The following ZNF334 variants were observed in gnomAD, a reference collection of about 807,000 sequenced individuals.
ZNF334 encodes the protein zinc finger protein 334.
ZNF334 carries 14 observed loss-of-function variants against 12.4 expected under a neutral mutation model. That is an observed-to-expected ratio of 1.13 (90% CI 0.74 to 1.76). The LOEUF (loss-of-function observed/expected upper bound fraction) is 1.76. Among genes scored for constraint, ZNF334 ranks in the 40% most tolerant of loss-of-function variants. The pLI is 0.00. For synonymous variants in ZNF334, 273 were observed against 269.6 expected (o/e 1.01, Z -0.12); for missense variants, 797 against 804.5 (o/e 0.99, Z 0.11).
At chr20:46,498,152 T>C (rs2061055526), downstream of ZNF334, among the ~76,000 whole-genome samples, 1 of 152,232 alleles carries the variant, frequency 6.6e-6, no homozygotes, top group East Asian at 1.9e-4. Context: ...TTGAAACCAC[T>C]GCATTCTTAT....
In ZNF334 at chr20:46,503,244, T is replaced by C. The variant is rs953477265; in HGVS notation, c.242-147A>G. On this transcript the variant is annotated intron_variant, in intron 4 of 4. Transcript: ENST00000692313. Reference sequence around the variant, plus strand: ...AACAAATTTCAAGTGCAAATATCTCTTACTTGGTTGATTTGAAGAAATACA... The same window carrying C: ...AACAAATTTCAAGTGCAAATATCTCCTACTTGGTTGATTTGAAGAAATACA... 1.2e-5 allele frequency: 12 copies of C among 994,032 alleles called. No individual in the cohort carries two copies. In the African/African-American group the frequency reaches 1.5e-4, roughly 12 times the overall value. The allele number at this position is 994,032 out of a possible 1,614,324, so 61.6% of individuals were successfully genotyped here. A position where few individuals can be genotyped will look rare whatever the true frequency, so the allele number is the denominator to read the frequency against.
At chr20:46,474,028 C>T in the ZNF334 span, among the ~76,000 whole-genome samples, 3 of 152,206 alleles carry the variant, frequency 2.0e-5, no homozygotes, top group Non-Finnish European at 4.4e-5. Context: ...AGATCTTAAG[C>T]TCATCAATTA....
Position 46,502,307 on chromosome 20 carries a change from T to C in ZNF334, c.1032A>G (p.Thr344=). Residue 344 remains threonine, a synonymous_variant, in exon 5 of 5, where the codon ACA becomes ACG. Transcript: ENST00000692313. ...CCTTGCATTCGTAAGGCTTCTCCCCTGTGTGTGACCTGAAATGTTCAGCCA... is the reference window on the plus strand; with the variant it reads ...CCTTGCATTCGTAAGGCTTCTCCCCCGTGTGTGACCTGAAATGTTCAGCCA... The part of the protein sequence containing the change: ...SALAEHFRSH[T]GEKPYECKEC... The C allele has an allele frequency of 2.5e-6, 4 of 1,613,912 alleles. No individual in the cohort carries two copies. Among genetic ancestry groups the C allele is most frequent in the South Asian group, 1.1e-5 (1 of 91,068 alleles).
chr20:46,478,444 G>A, the ZNF334 span, among the ~76,000 whole-genome samples: 1 of 152,214 alleles, frequency 6.6e-6, no homozygotes, highest in Non-Finnish European at 1.5e-5. Flanking sequence ...GGAAAGGAAC[G>A]TCTGGGCTAA....
chr20:46,479,165 G>A, the ZNF334 span, among the ~76,000 whole-genome samples: 107 of 152,288 alleles, frequency 7.0e-4, no homozygotes, highest in Non-Finnish European at 1.2e-3. Flanking sequence ...TGCTCTTTCT[G>A]AAGGCTCTAG....
In ZNF334 at chr20:46,504,225, T is replaced by C. The variant is rs1568865089; in HGVS notation, c.230A>G (p.Gln77Arg). Reference sequence around the variant, plus strand: ...TATCATTTACTTACCTGGGTAGTTCTGATTTGAGAATTCCTCCACTATCCA... The same window carrying C: ...TATCATTTACTTACCTGGGTAGTTCCGATTTGAGAATTCCTCCACTATCCA... ...EPWIVEEFSN[Q>R]NYPDIDDALE... Residue 77 changes from glutamine (Q) to arginine (R), a missense_variant, in exon 4 of 5, where the codon CAG becomes CGG. Gln to Arg is a conservative substitution (Grantham distance 43, BLOSUM62 1). Coordinates refer to ENST00000692313, the MANE Select transcript of ZNF334 (RefSeq NM_001353824.2). 3.1e-6 allele frequency: 5 copies of C among 1,611,290 alleles called. No homozygotes were observed. Among genetic ancestry groups the C allele is most frequent in the Non-Finnish European group, 3.4e-6 (4 of 1,178,534 alleles).
chr20:46,472,643 A>G, the ZNF334 span, among the ~76,000 whole-genome samples: 2 of 152,206 alleles, frequency 1.3e-5, no homozygotes, highest in African/African-American at 4.8e-5. Flanking sequence ...GAAGCTGAAA[A>G]AGAAGAGGGA....
chr20:46,502,007 C>A lies in ZNF334; in HGVS notation c.1332G>T (p.Thr444=), dbSNP rs144394680. 1 of 1,613,972 alleles carries A rather than the reference C, an allele frequency of 6.2e-7. No individual in the cohort carries two copies. The highest frequency in any genetic ancestry group is 2.2e-5 in the East Asian group (1 of 44,882). ...TCTGATGTGCAATGAGGGCTGATTT[C>A]GTACATAAAAATTTTCCACATTGAC... ...ECSQCGKFLC[T]KSALIAHQIT... The change falls in exon 5 of 5, where the codon ACG becomes ACT. Residue 444 remains threonine, a synonymous_variant. Transcript: ENST00000692313.
At chr20:46,464,883 C>A in the ZNF334 span, 2 of 531,784 alleles carry the variant, frequency 3.8e-6, no homozygotes, top group Non-Finnish European at 7.7e-6. Context: ...AGCGGTCCAA[C>A]TATGAATGAG....
rs1419656917 is a variant in ZNF334 at position 46,499,691 on chromosome 20, T to A, written c.*1605A>T. ...AAAGTGAAAGGTAACTTAATTTCTT[T>A]CACAATAGCAACCAAATCTTTGAAG... On this transcript the variant is annotated 3_prime_UTR_variant, in exon 5 of 5. Coordinates refer to ENST00000692313, the MANE Select transcript of ZNF334 (RefSeq NM_001353824.2). 1 of 152,212 alleles carries A rather than the reference T, an allele frequency of 6.6e-6. No homozygotes were observed. Among genetic ancestry groups the A allele is most frequent in the Non-Finnish European group, 1.5e-5 (1 of 68,042 alleles). The allele number at this position is 152,212 out of a possible 1,614,324, so 9.4% of individuals were successfully genotyped here. A position where few individuals can be genotyped will look rare whatever the true frequency, so the allele number is the denominator to read the frequency against.
the ZNF334 span, among the ~76,000 whole-genome samples, chr20:46,487,308 T>C: frequency 0.19 from 29,333 of 152,078 alleles, 3,002 homozygotes; most frequent in African/African-American, 0.25. Flanking sequence ...GAACAATGAG[T>C]CAGTTTTTAC....
chr20:46,467,955 C>A, the ZNF334 span, among the ~76,000 whole-genome samples: 5 of 152,252 alleles, frequency 3.3e-5, no homozygotes, highest in South Asian at 1.0e-3. Flanking sequence ...AGTGATATGG[C>A]CAAGTGTTAC....
In ZNF334 at chr20:46,500,504, T is replaced by C. The variant is rs1197360379; in HGVS notation, c.*792A>G. 1 of 152,224 alleles carries C rather than the reference T, an allele frequency of 6.6e-6. No homozygotes were observed. Among genetic ancestry groups the C allele is most frequent in the Admixed American group, 6.5e-5 (1 of 15,278 alleles). 9.4% of individuals were successfully genotyped at this position (152,224 alleles called of 1,614,324 possible). ...CCACTGGTAGATGGGGTTGAGTGGA[T>C]ATTACAGAATACTAAAACCAGAGAA... On this transcript the variant is annotated 3_prime_UTR_variant, in exon 5 of 5. Coordinates refer to ENST00000692313, the MANE Select transcript of ZNF334 (RefSeq NM_001353824.2).
At chr20:46,478,355 G>A in the ZNF334 span, among the ~76,000 whole-genome samples, 22 of 152,176 alleles carry the variant, frequency 1.4e-4, no homozygotes, top group Admixed American at 1.4e-3. Context: ...GGGCTTCCAG[G>A]TCATAAGCAG....
the ZNF334 span, chr20:46,491,996 T>A: frequency 6.5e-6 from 1 of 152,784 alleles, no homozygotes; most frequent in Non-Finnish European, 1.5e-5. Flanking sequence ...ACACTTTGTA[T>A]GTAATCAATG....
chr20:46,480,513 C>T, the ZNF334 span, among the ~76,000 whole-genome samples: 1 of 152,076 alleles, frequency 6.6e-6, no homozygotes. Flanking sequence ...GAAAGAGTGG[C>T]ACAAACCTAT....
chr20:46,478,749 A>G, the ZNF334 span, among the ~76,000 whole-genome samples: 1 of 152,222 alleles, frequency 6.6e-6, no homozygotes, highest in South Asian at 2.1e-4. Flanking sequence ...GGAACACTTA[A>G]CAAAAAATGA....
At chr20:46,462,689 T>C in the ZNF334 span, among the ~76,000 whole-genome samples, 57 of 152,340 alleles carry the variant, frequency 3.7e-4, no homozygotes, top group Admixed American at 2.8e-3. Flanking sequence ...TTTCTTTATA[T>C]AGACAGGCAG....
chr20:46,511,698 A>G (rs2061656134), intron 2 of ZNF334, among the ~76,000 whole-genome samples: 1 of 152,186 alleles, frequency 6.6e-6, no homozygotes, highest in Non-Finnish European at 1.5e-5. Context: ...ATGACACTGG[A>G]TTGGTTCCCT....
Sources: allele counts gnomAD v4.1 joint callset (sites outside exome capture counted in the v4.1 genomes callset), GRCh38; gene constraint gnomAD v4.1.1; transcripts MANE v1.5; gene names NCBI Gene and HGNC (gene_info 2026-07-23, HGNC 2026-07-21).